Variants in CDH18 observed in about 807,000 individuals in gnomAD.
The protein encoded by CDH18 is cadherin-18.
CDH18 carries 31 observed loss-of-function variants against 67.9 expected under a neutral mutation model. The observed-to-expected ratio is 0.46, with a 90% confidence interval of 0.34 to 0.62. The LOEUF (loss-of-function observed/expected upper bound fraction) is 0.62. Among genes scored for constraint, CDH18 ranks in the 20% least tolerant of loss-of-function variants. CDH18 has a pLI of 0.01. For synonymous variants in CDH18, 362 were observed against 347.2 expected (o/e 1.04, Z -0.48); for missense variants, 890 against 975.5 (o/e 0.91, Z 1.17).
chr5:20,364,287 T>C (rs909701140), intron 1 of CDH18, among the ~76,000 whole-genome samples: 1 of 151,470 alleles, frequency 6.6e-6, no homozygotes, highest in Non-Finnish European at 1.5e-5. Flanking sequence ...ACACACACAA[T>C]TGAAATTAAA....
chr5:19,496,303 T>G (rs1437475678), intron 11 of CDH18, among the ~76,000 whole-genome samples: 1 of 152,204 alleles, frequency 6.6e-6, no homozygotes, highest in Non-Finnish European at 1.5e-5. Flanking sequence ...TACAATCCTC[T>G]CTAATTGCTT....
intron 2 of CDH18, among the ~76,000 whole-genome samples, chr5:20,016,595 C>T (rs542420335): frequency 6.6e-6 from 1 of 152,258 alleles, no homozygotes; most frequent in East Asian, 1.9e-4. Flanking sequence ...AACAATAATT[C>T]AGCATTGCAT....
intron 2 of CDH18, among the ~76,000 whole-genome samples, chr5:20,198,787 G>A (rs79901176): frequency 0.041 from 6,207 of 152,248 alleles, 284 homozygotes; most frequent in African/African-American, 0.11. Flanking sequence ...CCCAGGGCCC[G>A]CCTGCTGTGT....
At chr5:20,408,650 G>T (rs1366347855) in intron 1 of CDH18, among the ~76,000 whole-genome samples, 1 of 151,626 alleles carries the variant, frequency 6.6e-6, no homozygotes, top group East Asian at 1.9e-4. Context: ...AAAATACAAA[G>T]CAAGACAGTA....
intron 2 of CDH18, among the ~76,000 whole-genome samples, chr5:20,061,543 GC>G (rs1485576505): frequency 6.6e-6 from 1 of 152,076 alleles, no homozygotes; most frequent in African/African-American, 2.4e-5. Flanking sequence ...TGATGTACAT[GC>G]AGTAAAATAT....
intron 2 of CDH18, among the ~76,000 whole-genome samples, chr5:20,079,959 C>T (rs537134452): frequency 6.6e-6 from 1 of 152,234 alleles, no homozygotes; most frequent in African/African-American, 2.4e-5. Context: ...CTATAAGTCA[C>T]CAATCCCATG....
chr5:19,857,287 A>G (rs1221486843), intron 2 of CDH18, among the ~76,000 whole-genome samples: 1 of 151,964 alleles, frequency 6.6e-6, no homozygotes, highest in Non-Finnish European at 1.5e-5. Context: ...GATTTCTGTC[A>G]CTAGTCACAA....
At chr5:19,482,395 C>A (rs1221223041) in intron 12 of CDH18, among the ~76,000 whole-genome samples, 1 of 152,020 alleles carries the variant, frequency 6.6e-6, no homozygotes, top group Non-Finnish European at 1.5e-5. Flanking sequence ...GGATTACAGG[C>A]GTGAGCCACC....
chr5:19,489,632 G>A (rs138334144), intron 11 of CDH18, among the ~76,000 whole-genome samples: 72 of 152,018 alleles, frequency 4.7e-4, no homozygotes, highest in African/African-American at 1.5e-3. Flanking sequence ...TTCCACTCTC[G>A]TCACGAAAAC....
intron 1 of CDH18, among the ~76,000 whole-genome samples, chr5:20,552,760 T>C (rs1245745567): frequency 7.2e-6 from 1 of 139,496 alleles, no homozygotes; most frequent in Non-Finnish European, 1.5e-5. Context: ...TGTCTTAAGA[T>C]TTTTTTTTTT....
chr5:19,597,883 CTT>C (rs970699012), intron 6 of CDH18, among the ~76,000 whole-genome samples: 1 of 152,042 alleles, frequency 6.6e-6, no homozygotes. Context: ...TTATATTCAT[CTT>C]TTTTTGTATT....
intron 2 of CDH18, among the ~76,000 whole-genome samples, chr5:19,858,576 C>G (rs760782650): frequency 1.1e-4 from 16 of 152,198 alleles, no homozygotes; most frequent in Non-Finnish European, 2.1e-4. Context: ...GTTATCAGAA[C>G]TAAGCAGATT....
chr5:20,500,841 T>C (rs1010807471), intron 1 of CDH18, among the ~76,000 whole-genome samples: 1 of 152,184 alleles, frequency 6.6e-6, no homozygotes, highest in African/African-American at 2.4e-5. Context: ...AAGTTACTGT[T>C]ACAGTGTTTG....
chr5:19,669,203 G>A (rs1264771066), intron 5 of CDH18, among the ~76,000 whole-genome samples: 1 of 144,594 alleles, frequency 6.9e-6, no homozygotes, highest in African/African-American at 2.5e-5. Context: ...AATATATGAT[G>A]TAATATAATT....
intron 2 of CDH18, among the ~76,000 whole-genome samples, chr5:20,126,010 A>G (rs1398587156): frequency 1.3e-5 from 2 of 152,228 alleles, no homozygotes; most frequent in Admixed American, 6.5e-5. Flanking sequence ...AGCCAAAGCA[A>G]TCTTGAGAAA....
At chr5:19,584,350 C>T (rs1016437677) in intron 7 of CDH18, among the ~76,000 whole-genome samples, 3 of 152,162 alleles carry the variant, frequency 2.0e-5, no homozygotes, top group African/African-American at 4.8e-5. Context: ...TAGAGCAGTG[C>T]TGATTTCTAT....
At chr5:20,365,481 GAC>G (rs1032295426) in intron 1 of CDH18, among the ~76,000 whole-genome samples, 9 of 152,212 alleles carry the variant, frequency 5.9e-5, no homozygotes, top group Admixed American at 5.9e-4. Context: ...AATATATTTA[GAC>G]ACACTGTTTT....
At chr5:19,584,714 G>A (rs756924389) in intron 7 of CDH18, among the ~76,000 whole-genome samples, 1 of 144,460 alleles carries the variant, frequency 6.9e-6, no homozygotes, top group Admixed American at 7.2e-5. Flanking sequence ...TTGGGAGGCG[G>A]AAGCTGGCAG....
At chr5:20,110,220 T>C (rs1747342045) in intron 2 of CDH18, among the ~76,000 whole-genome samples, 1 of 152,192 alleles carries the variant, frequency 6.6e-6, no homozygotes, top group Non-Finnish European at 1.5e-5. Context: ...GTACAAAAAT[T>C]AGTGCTTGTA....
Sources: allele counts gnomAD v4.1 joint callset (sites outside exome capture counted in the v4.1 genomes callset), GRCh38; gene constraint gnomAD v4.1.1; transcripts MANE v1.5; gene names NCBI Gene and HGNC (gene_info 2026-07-23, HGNC 2026-07-21).